OTUD7A: variants seen among roughly 807,000 people sequenced by gnomAD.
OTUD7A encodes the protein OTU deubiquitinase 7A.
In OTUD7A, 12 loss-of-function variants were observed where a neutral mutation model predicts 65.7. The ratio of observed to expected loss-of-function variants is 0.18; its 90% CI spans 0.12 to 0.30. The LOEUF (loss-of-function observed/expected upper bound fraction) is 0.30, where lower values mean the gene tolerates loss of function less well. Among genes scored for constraint, OTUD7A ranks in the 10% least tolerant of loss-of-function variants. OTUD7A has a pLI of 1.00. For missense variants in OTUD7A, 1,148 were observed against 1,304.8 expected (o/e 0.88, Z 1.85); for synonymous variants, 641 against 586.3 (o/e 1.09, Z -1.35).
chr15:31,591,965 AT>A (rs201151744), intron 3 of OTUD7A, among the ~76,000 whole-genome samples: 3,472 of 152,340 alleles, frequency 0.023, 82 homozygotes, highest in Non-Finnish European at 0.033. Context: ...CAACTGTAAC[AT>A]AATGGTAAGT....
At chr15:31,565,933 C>T (rs777857261) in intron 4 of OTUD7A, among the ~76,000 whole-genome samples, 9 of 152,158 alleles carry the variant, frequency 5.9e-5, no homozygotes, top group African/African-American at 9.7e-5. Context: ...TGGCTCACGC[C>T]TGTAATCCCA....
chr15:31,676,089 A>G (rs1454507736), intron 1 of OTUD7A, among the ~76,000 whole-genome samples: 2 of 152,218 alleles, frequency 1.3e-5, no homozygotes, highest in African/African-American at 2.4e-5. Context: ...GTTCTCCCAC[A>G]CTTCACACAT....
At chr15:31,646,273 A>G in intron 3 of OTUD7A, among the ~76,000 whole-genome samples, 1 of 152,024 alleles carries the variant, frequency 6.6e-6, no homozygotes, top group Admixed American at 6.5e-5. Flanking sequence ...ACATAAGTGA[A>G]GCAAAGTGAA....
At chr15:31,605,383 C>T (rs538829073) in intron 3 of OTUD7A, among the ~76,000 whole-genome samples, 4 of 152,248 alleles carry the variant, frequency 2.6e-5, no homozygotes, top group East Asian at 3.9e-4. Context: ...ACAGTGGCCA[C>T]GCATCTGGTC....
chr15:31,511,187 AAC>A lies in OTUD7A; in HGVS notation c.894-7371_894-7370del, dbSNP rs1172173405. ...AACATACATATGTATATCTATATGT[AAC>A]ACACATATGTATATCTATATGTAAC... is the stretch of plus-strand genomic sequence containing the variant. On this transcript the variant is annotated intron_variant, in intron 8 of 12. Coordinates refer to ENST00000307050, the MANE Select transcript of OTUD7A (RefSeq NM_001382637.1). Among the ~76,000 whole-genome samples the A allele has an allele frequency of 5.9e-4, 3 of 5,078 alleles. 1 individual carries two copies. Among genetic ancestry groups the A allele is most frequent in the African/African-American group, 5.5e-3 (2 of 364 alleles). 3.3% of individuals were successfully genotyped at this position (5,078 alleles called of 152,430 possible).
intron 6 of OTUD7A, among the ~76,000 whole-genome samples, chr15:31,530,334 T>A (rs1411735671): frequency 1.3e-5 from 2 of 152,210 alleles, no homozygotes; most frequent in African/African-American, 4.8e-5. Context: ...CTGCAGGGTC[T>A]CCCTGCCTGC....
At chr15:31,764,498 C>T (rs1297268986) in intron 1 of OTUD7A, among the ~76,000 whole-genome samples, 1 of 152,004 alleles carries the variant, frequency 6.6e-6, no homozygotes, top group African/African-American at 2.4e-5. Flanking sequence ...AAATAGAAGG[C>T]AACTTGCTTC....
chr15:31,820,716 T>G (rs1896657464), intron 1 of OTUD7A, among the ~76,000 whole-genome samples: 1 of 152,216 alleles, frequency 6.6e-6, no homozygotes, highest in Admixed American at 6.5e-5. Context: ...AGAGTACTTC[T>G]CCAGGAATTT....
chr15:31,861,682 G>C (rs1434953883), intron 1 of OTUD7A, among the ~76,000 whole-genome samples: 1 of 152,140 alleles, frequency 6.6e-6, no homozygotes, highest in Admixed American at 6.5e-5. Context: ...AAGAGATTTG[G>C]GGATGAACTG....
At chr15:31,742,760 G>A (rs899966914) in intron 1 of OTUD7A, among the ~76,000 whole-genome samples, 1 of 152,002 alleles carries the variant, frequency 6.6e-6, no homozygotes, top group African/African-American at 2.4e-5. Context: ...TAGGTAGCGC[G>A]AATGAAAAGG....
intron 3 of OTUD7A, among the ~76,000 whole-genome samples, chr15:31,636,743 TAAG>T (rs1343164059): frequency 1.3e-5 from 2 of 152,160 alleles, no homozygotes; most frequent in Non-Finnish European, 2.9e-5. Flanking sequence ...ACACAAATGA[TAAG>T]AAAGTGAAAC....
intron 4 of OTUD7A, among the ~76,000 whole-genome samples, chr15:31,568,177 A>C (rs928046180): frequency 4.6e-5 from 7 of 152,172 alleles, no homozygotes; most frequent in African/African-American, 1.7e-4. Flanking sequence ...GGAAAAGCTG[A>C]AAGCAGAGAG....
intron 1 of OTUD7A, among the ~76,000 whole-genome samples, chr15:31,739,403 A>G (rs560803024): frequency 4.6e-5 from 7 of 152,242 alleles, no homozygotes; most frequent in Non-Finnish European, 1.0e-4. Context: ...GAAATGAAAT[A>G]ATATCTTAAA....
At chr15:31,802,520 C>G (rs1018338157) in intron 1 of OTUD7A, among the ~76,000 whole-genome samples, 2 of 152,168 alleles carry the variant, frequency 1.3e-5, no homozygotes, top group Admixed American at 6.5e-5. Flanking sequence ...TCAATCCAAT[C>G]AAGTTGACAC....
rs989963961 is a variant in OTUD7A, at chr15:31,483,189, A to C, written c.*105T>G. On this transcript the variant is annotated 3_prime_UTR_variant, in exon 13 of 13. Coordinates refer to ENST00000307050, the MANE Select transcript of OTUD7A (RefSeq NM_001382637.1). Reference sequence around the variant, plus strand: ...AACACGTACACGGCACTGACAGAGGAGGCGCCGGCCTTCCGGTGGACCAGG... The same window carrying C: ...AACACGTACACGGCACTGACAGAGGCGGCGCCGGCCTTCCGGTGGACCAGG... 11 of 994,870 alleles carry C rather than the reference A, an allele frequency of 1.1e-5. No homozygotes were observed. Among genetic ancestry groups the C allele is most frequent in the African/African-American group, 3.5e-5 (2 of 57,386 alleles). The allele number at this position is 994,870 out of a possible 1,614,324, so 61.6% of individuals were successfully genotyped here.
At chr15:31,687,711 T>C (rs1026431460) in intron 1 of OTUD7A, among the ~76,000 whole-genome samples, 2 of 152,174 alleles carry the variant, frequency 1.3e-5, no homozygotes, top group African/African-American at 4.8e-5. Flanking sequence ...CTCCCTTGTG[T>C]GATGACCCCA....
intron 3 of OTUD7A, among the ~76,000 whole-genome samples, chr15:31,575,720 G>A (rs942976277): frequency 6.6e-6 from 1 of 152,130 alleles, no homozygotes; most frequent in Non-Finnish European, 1.5e-5. Context: ...TGGTCCAGAG[G>A]TGATATCTCA....
chr15:31,697,747 G>A (rs550499159), intron 1 of OTUD7A, among the ~76,000 whole-genome samples: 2 of 152,350 alleles, frequency 1.3e-5, no homozygotes, highest in East Asian at 3.9e-4. Flanking sequence ...CCTGTCCTGA[G>A]CCCAGAGGAG....
intron 1 of OTUD7A, among the ~76,000 whole-genome samples, chr15:31,844,985 G>A (rs1897264966): frequency 6.6e-6 from 1 of 152,160 alleles, no homozygotes. Context: ...ATACAAGGAA[G>A]ACCCTGCTAC....
Sources: gnomAD v4.1 joint callset for allele counts (sites outside exome capture counted in the v4.1 genomes callset) on GRCh38, gnomAD v4.1.1 for gene constraint, MANE v1.5 for transcripts, NCBI Gene and HGNC (gene_info 2026-07-23, HGNC 2026-07-21) for gene names.